The following TNR variants were observed in gnomAD, a reference collection of about 807,000 sequenced individuals.
The protein encoded by TNR is tenascin R.
Under a neutral mutation model 150.4 loss-of-function variants are expected in TNR, and 45 were observed. The ratio of observed to expected loss-of-function variants is 0.30; its 90% CI spans 0.24 to 0.38. TNR has a LOEUF of 0.38. TNR is among the 10% of genes least tolerant of loss of function. The pLI, the probability that TNR is intolerant of heterozygous loss-of-function variation, is 1.00. For missense variants in TNR, 1,544 were observed against 1,759.1 expected (o/e 0.88, Z 2.19); for synonymous variants, 687 against 678.4 (o/e 1.01, Z -0.20).
At chr1:175,497,149 AG>A (rs1403928503) in intron 2 of TNR, among the ~76,000 whole-genome samples, 1 of 152,200 alleles carries the variant, frequency 6.6e-6, no homozygotes, top group Non-Finnish European at 1.5e-5. Flanking sequence ...ATAGTCCTTC[AG>A]GGGAAAAAAA....
intron 1 of TNR, among the ~76,000 whole-genome samples, chr1:175,535,754 A>G (rs1229715637): frequency 6.6e-6 from 1 of 152,150 alleles, no homozygotes; most frequent in East Asian, 1.9e-4. Context: ...AAATTTTAGA[A>G]AGGATGGAGT....
At chr1:175,487,783 A>T (rs1350741663) in intron 2 of TNR, among the ~76,000 whole-genome samples, 1 of 152,190 alleles carries the variant, frequency 6.6e-6, no homozygotes, top group African/African-American at 2.4e-5. Flanking sequence ...GTAAGTTTCC[A>T]AAAAAAGGTA....
intron 1 of TNR, among the ~76,000 whole-genome samples, chr1:175,610,859 C>T (rs1177458059): frequency 3.3e-5 from 5 of 152,212 alleles, no homozygotes; most frequent in African/African-American, 1.2e-4. Flanking sequence ...GCCACCACTG[C>T]AGTAAGAGAG....
chr1:175,524,597 A>T (rs1659778427), intron 2 of TNR, among the ~76,000 whole-genome samples: 1 of 152,146 alleles, frequency 6.6e-6, no homozygotes, highest in South Asian at 2.1e-4. Flanking sequence ...GGCCAGGAGG[A>T]ACCCTTTCTC....
intron 2 of TNR, among the ~76,000 whole-genome samples, chr1:175,506,348 G>A (rs376891406): frequency 2.0e-5 from 3 of 152,280 alleles, no homozygotes; most frequent in African/African-American, 7.2e-5. Context: ...TTATATTCTA[G>A]CCAACATTCT....
At chr1:175,401,018 G>A (rs895652072) in intron 4 of TNR, among the ~76,000 whole-genome samples, 1 of 152,144 alleles carries the variant, frequency 6.6e-6, no homozygotes, top group African/African-American at 2.4e-5. Flanking sequence ...CACATGCTTT[G>A]GGAACCTGTA....
chr1:175,645,533 G>A (rs1294053270), intron 1 of TNR, among the ~76,000 whole-genome samples: 2 of 152,134 alleles, frequency 1.3e-5, no homozygotes, highest in Non-Finnish European at 2.9e-5. Flanking sequence ...AACATTGAAC[G>A]ACATAATGGA....
At chr1:175,373,548 GCCAATTCCAT>G (rs1652202324) in intron 9 of TNR, among the ~76,000 whole-genome samples, 1 of 152,186 alleles carries the variant, frequency 6.6e-6, no homozygotes, top group Non-Finnish European at 1.5e-5. Flanking sequence ...AAGAGAAGCA[GCCAATTCCAT>G]CCTGATTTAA....
At chr1:175,543,793 G>T (rs1660585906) in intron 1 of TNR, among the ~76,000 whole-genome samples, 2 of 152,106 alleles carry the variant, frequency 1.3e-5, no homozygotes, top group Admixed American at 6.6e-5. Context: ...CAAGTTTGGG[G>T]TAAGTTTTAT....
intron 2 of TNR, among the ~76,000 whole-genome samples, chr1:175,502,715 A>G (rs1658787710): frequency 1.3e-5 from 2 of 152,204 alleles, no homozygotes; most frequent in Non-Finnish European, 2.9e-5. Flanking sequence ...CACAATAAAG[A>G]TGCAGTGGCG....
At position 175,704,541 on chromosome 1, in the gene TNR, A is replaced by G. The variant is rs549668052; in HGVS notation, c.-165+38685T>C. 2.6e-4 allele frequency among the ~76,000 whole-genome samples: 40 copies of G among 152,350 alleles called. No homozygotes were observed. In the South Asian group the frequency reaches 2.7e-3, roughly 10 times the overall value. On this transcript the variant is annotated intron_variant, in intron 1 of 22. Transcript: ENST00000367674. ...TGCTGGAAGTCGGCCCTGATCTGCC[A>G]GGAGAGAAGGTAATTCCCCCACCTC...
At chr1:175,334,998 A>T (rs1207430450) in intron 20 of TNR, among the ~76,000 whole-genome samples, 1 of 152,184 alleles carries the variant, frequency 6.6e-6, no homozygotes, top group South Asian at 2.1e-4. Context: ...AGATGAGATG[A>T]GATAGTGGCA....
chr1:175,530,244 G>A (rs1465256973), intron 1 of TNR, among the ~76,000 whole-genome samples: 4 of 152,256 alleles, frequency 2.6e-5, no homozygotes, highest in East Asian at 1.9e-4. Context: ...TGAGGGCTAC[G>A]GCACCTGGGG....
chr1:175,429,624 T>G (rs1460186186), intron 2 of TNR, among the ~76,000 whole-genome samples: 1 of 152,226 alleles, frequency 6.6e-6, no homozygotes, highest in Non-Finnish European at 1.5e-5. Context: ...GGGCCTTCTT[T>G]TAAATAGCAT....
chr1:175,683,307 T>C (rs1666096096), intron 1 of TNR, among the ~76,000 whole-genome samples: 1 of 152,194 alleles, frequency 6.6e-6, no homozygotes, highest in Non-Finnish European at 1.5e-5. Flanking sequence ...AGAAAAATCA[T>C]ATTTTTCTTT....
At chr1:175,370,333 G>C (rs1195926473) in intron 9 of TNR, among the ~76,000 whole-genome samples, 1 of 93,994 alleles carries the variant, frequency 1.1e-5, no homozygotes, top group African/African-American at 4.4e-5. Flanking sequence ...CCTGGATTTT[G>C]AGTACTTTTT....
At chr1:175,718,836 G>A (rs1247381943) in intron 1 of TNR, among the ~76,000 whole-genome samples, 2 of 152,122 alleles carry the variant, frequency 1.3e-5, no homozygotes, top group African/African-American at 2.4e-5. Flanking sequence ...CAAGTTTTCC[G>A]ACTCCATCCA....
intron 1 of TNR, among the ~76,000 whole-genome samples, chr1:175,726,911 A>C (rs1310826694): frequency 1.3e-5 from 2 of 152,204 alleles, no homozygotes; most frequent in Admixed American, 6.5e-5. Flanking sequence ...GGAAGTGGGC[A>C]GGGCTGGGGA....
chr1:175,393,986 C>A (rs768576302), intron 5 of TNR, 91 bp from the exon 6 acceptor site: 3 of 1,005,642 alleles, frequency 3.0e-6, no homozygotes, highest in Non-Finnish European at 4.7e-6. Context: ...ACTCCCTCCA[C>A]GCCATGGGCG....
Sources: gnomAD v4.1 joint callset for allele counts (sites outside exome capture counted in the v4.1 genomes callset) on GRCh38, gnomAD v4.1.1 for gene constraint, MANE v1.5 for transcripts, NCBI Gene and HGNC (gene_info 2026-07-23, HGNC 2026-07-21) for gene names.